The following TBC1D23 variants were observed in gnomAD, a reference collection of about 807,000 sequenced individuals.
TBC1D23 encodes HCV non-structural protein 4A-transactivated protein 1.
A neutral mutation model predicts 91.4 loss-of-function variants in TBC1D23; 55 were observed. The observed-to-expected ratio is 0.60, with a 90% CI of 0.48 to 0.75. The LOEUF (loss-of-function observed/expected upper bound fraction) is 0.75, where lower values mean the gene tolerates loss of function less well. Among genes scored for constraint, TBC1D23 ranks in the 30% least tolerant of loss-of-function variants. TBC1D23 has a pLI of 0.00. For missense variants in TBC1D23, 725 were observed against 836.1 expected (o/e 0.87, Z 1.64); for synonymous variants, 289 against 281.0 (o/e 1.03, Z -0.28).
chr3:100,267,877 A>G (rs1354362782), intron 1 of TBC1D23, among the ~76,000 whole-genome samples: 1 of 152,230 alleles, frequency 6.6e-6, no homozygotes, highest in Non-Finnish European at 1.5e-5. Flanking sequence ...TCTATGAGAA[A>G]GCAAAGTTAT....
At chr3:100,297,246 AAAGTT>A (rs1281723531) in intron 8 of TBC1D23, among the ~76,000 whole-genome samples, 11 of 152,304 alleles carry the variant, frequency 7.2e-5, no homozygotes, top group African/African-American at 1.2e-4. Flanking sequence ...GTGTCAAGAT[AAAGTT>A]AAGTTATGTT....
intron 11 of TBC1D23, among the ~76,000 whole-genome samples, chr3:100,304,628 A>G (rs1306308448): frequency 6.6e-6 from 1 of 152,190 alleles, no homozygotes; most frequent in African/African-American, 2.4e-5. Flanking sequence ...ATAGCCTTGA[A>G]GTTGTTCCCT....
At chr3:100,319,270 A>C (rs1437775736) in intron 17 of TBC1D23, 66 bp downstream of exon 17, 13 of 1,311,218 alleles carry the variant, frequency 9.9e-6, no homozygotes, top group Non-Finnish European at 1.4e-5. Context: ...TACAAAACTG[A>C]ACTACAGAAG....
intron 18 of TBC1D23, among the ~76,000 whole-genome samples, chr3:100,322,611 G>T (rs1395763689): frequency 6.6e-6 from 1 of 151,982 alleles, no homozygotes; most frequent in Non-Finnish European, 1.5e-5. Context: ...ATGGGTGAGA[G>T]GTATACACAT....
At chr3:100,309,529 T>C (rs1705580590) in intron 13 of TBC1D23, among the ~76,000 whole-genome samples, 1 of 152,076 alleles carries the variant, frequency 6.6e-6, no homozygotes, top group African/African-American at 2.4e-5. Context: ...GTTTTAACTG[T>C]TTCTTATATA....
At chr3:100,287,793 TTC>T (rs1006443410) in intron 4 of TBC1D23, among the ~76,000 whole-genome samples, 3 of 152,192 alleles carry the variant, frequency 2.0e-5, no homozygotes, top group African/African-American at 7.2e-5. Context: ...ACATTTTTTT[TTC>T]TTTTTTGATA....
intron 4 of TBC1D23, among the ~76,000 whole-genome samples, chr3:100,287,368 C>CTTGACTTG (rs2067752964): frequency 6.6e-6 from 1 of 152,196 alleles, no homozygotes; most frequent in African/African-American, 2.4e-5. Context: ...CCGTCAAGCA[C>CTTGACTTG]AGTGCCTTGT....
At chr3:100,261,221 T>G in intron 1 of TBC1D23, 150 bp downstream of exon 1, 3 of 707,956 alleles carry the variant, frequency 4.2e-6, no homozygotes, top group Non-Finnish European at 7.2e-6. Context: ...CTCTGCCAGC[T>G]GGGTGCCCCC....
intron 1 of TBC1D23, chr3:100,261,356 G>T (rs1377248476): frequency 4.2e-6 from 2 of 479,576 alleles, no homozygotes; most frequent in Non-Finnish European, 7.5e-6. Flanking sequence ...GCTGGAGTGG[G>T]TGGCTTCAGG....
chr3:100,299,676 AT>A (rs1443770525), intron 10 of TBC1D23, among the ~76,000 whole-genome samples: 1 of 151,966 alleles, frequency 6.6e-6, no homozygotes, highest in Non-Finnish European at 1.5e-5. Context: ...GGCCCGGCTA[AT>A]TTTTTGTATT....
intron 10 of TBC1D23, among the ~76,000 whole-genome samples, chr3:100,299,711 A>G (rs11924911): frequency 0.26 from 39,190 of 151,966 alleles, 5,451 homozygotes; most frequent in Non-Finnish European, 0.31. Context: ...GGCTTTCACC[A>G]TGTTGGCCAG....
intron 2 of TBC1D23, 34 bp downstream of exon 2, chr3:100,279,794 A>T: frequency 4.6e-6 from 6 of 1,291,618 alleles, no homozygotes; most frequent in Non-Finnish European, 6.6e-6. Context: ...AAATGTAATC[A>T]CTGAAGAATA....
chr3:100,263,077 G>A (rs924558909), intron 1 of TBC1D23, among the ~76,000 whole-genome samples: 3 of 152,198 alleles, frequency 2.0e-5, no homozygotes, highest in Non-Finnish European at 2.9e-5. Context: ...TCACCTGGGT[G>A]CAGGCGGGCT....
At chr3:100,268,745 G>T (rs532926101) in intron 1 of TBC1D23, among the ~76,000 whole-genome samples, 1 of 152,268 alleles carries the variant, frequency 6.6e-6, no homozygotes, top group South Asian at 2.1e-4. Flanking sequence ...ATTTCTTTGT[G>T]CCTTAAAAAT....
At chr3:100,288,694 T>G (rs1380264394) in intron 4 of TBC1D23, among the ~76,000 whole-genome samples, 1 of 152,238 alleles carries the variant, frequency 6.6e-6, no homozygotes, top group African/African-American at 2.4e-5. Flanking sequence ...TGCTGATTCA[T>G]TAGATACATT....
chr3:100,273,557 G>T (rs890496661), intron 1 of TBC1D23, among the ~76,000 whole-genome samples: 1 of 152,212 alleles, frequency 6.6e-6, no homozygotes, highest in Admixed American at 6.5e-5. Context: ...AGCCCAAATA[G>T]CCTAGGCAAT....
At chr3:100,272,832 A>G (rs1234863184) in intron 1 of TBC1D23, among the ~76,000 whole-genome samples, 3 of 152,230 alleles carry the variant, frequency 2.0e-5, no homozygotes, top group Non-Finnish European at 4.4e-5. Flanking sequence ...AAACATCTCA[A>G]TGCCTTACAG....
intron 2 of TBC1D23, among the ~76,000 whole-genome samples, chr3:100,280,350 A>G (rs1176847052): frequency 2.0e-5 from 3 of 152,166 alleles, no homozygotes; most frequent in Non-Finnish European, 2.9e-5. Context: ...AAAAATAAAA[A>G]AGGAAGTATG....
At chr3:100,301,990 CT>C in intron 10 of TBC1D23, 76 bp from the exon 11 acceptor site, 1 of 1,165,748 alleles carries the variant, frequency 8.6e-7, no homozygotes, top group African/African-American at 1.6e-5. Flanking sequence ...GGGGTTTTTC[CT>C]AAAAAAAATT....
Sources: gnomAD v4.1 joint callset for allele counts (sites outside exome capture counted in the v4.1 genomes callset) on GRCh38, gnomAD v4.1.1 for gene constraint, MANE v1.5 for transcripts, NCBI Gene and HGNC (gene_info 2026-07-23, HGNC 2026-07-21) for gene names.